The following ASGR2 variants were observed in gnomAD, a reference collection of about 807,000 sequenced individuals.
The protein encoded by ASGR2 is asialoglycoprotein receptor 2, also known as C-type lectin domain family 4 member H2.
In ASGR2, 34 loss-of-function variants were observed where a neutral mutation model predicts 32.3. That is an observed-to-expected ratio of 1.05 (90% CI 0.80 to 1.40). The LOEUF (loss-of-function observed/expected upper bound fraction) is 1.40, where lower values mean the gene tolerates loss of function less well. Ranked by LOEUF, ASGR2 falls within the 40% of genes most tolerant of loss-of-function variation. The pLI, the probability that ASGR2 is intolerant of heterozygous loss-of-function variation, is 0.00. For synonymous variants in ASGR2, 143 were observed against 150.0 expected, an observed-to-expected ratio of 0.95 and a Z score of 0.34; for missense variants, 385 against 386.4, an observed-to-expected ratio of 1.00 and a Z score of 0.03.
chr17:7,104,939 G>A (rs314233), intron 7 of ASGR2, among the ~76,000 whole-genome samples: 41,495 of 149,694 alleles, frequency 0.28, 6,721 homozygotes, highest in Admixed American at 0.43. Context: ...TCGCGCCATT[G>A]CACTCCAGCC....
Position 7,107,735 on chromosome 17 carries a change from A to G in ASGR2, c.409+101T>C, listed in dbSNP as rs1567763987. The G allele has an allele frequency of 3.8e-6, 3 of 786,330 alleles. No homozygotes were observed. The South Asian group carries it at 7.2e-5, about 19-fold the overall frequency. The allele number at this position is 786,330 out of a possible 1,614,324, so 48.7% of individuals were successfully genotyped here. ...TGCTTGCAGGCACACACACGCACGC[A>G]CGCACACGTGCACACTACACACACC... On this transcript the variant is annotated intron_variant, in intron 5 of 8. Transcript: ENST00000691900. This position sits in a 1 kb window ranked among gnomAD's most constrained non-coding sequence, Gnocchi z 5.0.
rs1182977839 is a variant in ASGR2 at position 7,113,669 on chromosome 17, A to G, written c.124+448T>C. On this transcript the variant is annotated intron_variant, in intron 2 of 8. Transcript: ENST00000691900. The surrounding 1 kb of genome is among the most constrained non-coding windows in gnomAD (Gnocchi z 5.1). ...CAACATACACTCACACACAAGATAC[A>G]CACAACATATACTCACACAACATAC... Among the ~76,000 whole-genome samples the G allele has an allele frequency of 6.6e-6, 1 of 151,838 alleles. No individual in the cohort carries two copies. The highest frequency in any genetic ancestry group is 1.5e-5 in the Non-Finnish European group (1 of 67,964).
chr17:7,108,589 C>T lies in ASGR2; in HGVS notation c.242-32G>A, dbSNP rs557819193. ...AGGTGGTAGTGGGGGCAGGATGAGG[C>T]AGAGGGGCCGTGTCCCCATCACTGT... On this transcript the variant is annotated intron_variant, in intron 3 of 8. Transcript: ENST00000691900. This position sits in a 1 kb window ranked among gnomAD's most constrained non-coding sequence, Gnocchi z 4.9. 6.2e-7 allele frequency: 1 copy of T among 1,604,760 alleles called. No individual in the cohort carries two copies. Among genetic ancestry groups the T allele is most frequent in the Admixed American group, 1.7e-5 (1 of 58,730 alleles).
rs1300163254 is a variant in ASGR2 at position 7,113,487 on chromosome 17, C to T, written c.124+630G>A. ...CATACACTCACACAATACACACACACAACACACACACAACATACACAACGT... is the reference window on the plus strand; with the variant it reads ...CATACACTCACACAATACACACACATAACACACACACAACATACACAACGT... On this transcript the variant is annotated intron_variant, in intron 2 of 8. Coordinates refer to ENST00000691900, the MANE Select transcript of ASGR2 (RefSeq NM_001201352.2). This position sits in a 1 kb window ranked among gnomAD's most constrained non-coding sequence, Gnocchi z 5.1. 6.8e-6 allele frequency among the ~76,000 whole-genome samples: 1 copy of T among 146,244 alleles called. No homozygotes were observed. The highest frequency in any genetic ancestry group is 6.8e-5 in the Admixed American group (1 of 14,706).
Position 7,113,375 on chromosome 17 carries a change from ACT to A in ASGR2, c.124+740_124+741del. ...CTCACACACACAACATACATAACACACTCACAACATACACACACAACACACAC... is the reference window on the plus strand; with the variant it reads ...CTCACACACACAACATACATAACACACACAACATACACACACAACACACAC... On this transcript the variant is annotated intron_variant, in intron 2 of 8. Coordinates refer to ENST00000691900, the MANE Select transcript of ASGR2 (RefSeq NM_001201352.2). The surrounding 1 kb of genome is among the most constrained non-coding windows in gnomAD (Gnocchi z 5.1). Among the ~76,000 whole-genome samples, 1 of 147,634 alleles carries A rather than the reference ACT, an allele frequency of 6.8e-6. No homozygotes were observed. The highest frequency in any genetic ancestry group is 1.5e-5 in the Non-Finnish European group (1 of 65,824).
chr17:7,112,934 C>T (rs1914904169), intron 2 of ASGR2, among the ~76,000 whole-genome samples: 1 of 152,148 alleles, frequency 6.6e-6, no homozygotes, highest in Non-Finnish European at 1.5e-5. Flanking sequence ...GCTCAGATCT[C>T]TCTCACCTTA....
rs533201730 is a variant in ASGR2 at position 7,108,042 on chromosome 17, C to T, written c.338-135G>A. 31 of 886,126 alleles carry T rather than the reference C, an allele frequency of 3.5e-5. No individual in the cohort carries two copies. Among genetic ancestry groups the T allele is most frequent in the Non-Finnish European group, 4.9e-5 (28 of 576,090 alleles). The allele number at this position is 886,126 out of a possible 1,614,324, so 54.9% of individuals were successfully genotyped here. A position where few individuals can be genotyped will look rare whatever the true frequency, so the allele number is the denominator to read the frequency against. ...GGCTTCCTGGACCACACCCAGGCTC[C>T]CTGCACTGCCACAGTGGCTCAGGCC... On this transcript the variant is annotated intron_variant, in intron 4 of 8. Transcript: ENST00000691900. This position sits in a 1 kb window ranked among gnomAD's most constrained non-coding sequence, Gnocchi z 4.9.
In ASGR2 at chr17:7,113,276, C is replaced by T. The variant is rs1914948681; in HGVS notation, c.124+841G>A. 7.1e-6 allele frequency among the ~76,000 whole-genome samples: 1 copy of T among 140,144 alleles called. No homozygotes were observed. Among genetic ancestry groups the T allele is most frequent in the South Asian group, 2.3e-4 (1 of 4,332 alleles). 91.9% of individuals were successfully genotyped at this position (140,144 alleles called of 152,430 possible). ...CACGTCCCCCACCCATCCCAACTCA[C>T]CCCACCTCTACACACACACACACAC... is the stretch of plus-strand genomic sequence containing the variant. On this transcript the variant is annotated intron_variant, in intron 2 of 8. Transcript: ENST00000691900. This position sits in a 1 kb window ranked among gnomAD's most constrained non-coding sequence, Gnocchi z 5.1.
Position 7,108,557 on chromosome 17 carries a change from C to T in ASGR2, c.242G>A (p.Ser81Asn). Residue 81 changes from serine to asparagine, a missense_variant and splice_region_variant, in exon 4 of 9, where the codon AGT becomes AAT. Coordinates refer to ENST00000691900, the MANE Select transcript of ASGR2 (RefSeq NM_001201352.2). This position sits in a 1 kb window ranked among gnomAD's most constrained non-coding sequence, Gnocchi z 4.9. Reference sequence around the variant, plus strand: ...CCGCAGCTCGGCTTGCAGCTGTGCACCTTGTCAGGTGGTAGTGGGGGCAGG... The same window carrying T: ...CCGCAGCTCGGCTTGCAGCTGTGCATCTTGTCAGGTGGTAGTGGGGGCAGG... ...LVVICVTGSQSAQLQAELRSL... is the reference protein window; with the variant it reads ...LVVICVTGSQNAQLQAELRSL... The T allele has an allele frequency of 1.2e-6, 2 of 1,607,518 alleles. No homozygotes were observed. The highest frequency in any genetic ancestry group is 1.7e-6 in the Non-Finnish European group (2 of 1,177,424).
In ASGR2 at chr17:7,107,973, G is replaced by A. The variant is rs894056195; in HGVS notation, c.338-66C>T. 2.4e-5 allele frequency: 38 copies of A among 1,573,476 alleles called. No individual in the cohort carries two copies. In the Admixed American group the frequency reaches 4.8e-4, roughly 20 times the overall value. ...TCCGTCCTCATGCTGCTGGGGGACCGGGGGCCAGCGCCTCGTCCTGGGCGA... is the reference window on the plus strand; with the variant it reads ...TCCGTCCTCATGCTGCTGGGGGACCAGGGGCCAGCGCCTCGTCCTGGGCGA... On this transcript the variant is annotated intron_variant, in intron 4 of 8. Coordinates refer to ENST00000691900, the MANE Select transcript of ASGR2 (RefSeq NM_001201352.2). This position sits in a 1 kb window ranked among gnomAD's most constrained non-coding sequence, Gnocchi z 5.0.
At chr17:7,106,349 C>T (rs959046980) in intron 7 of ASGR2, among the ~76,000 whole-genome samples, 1 of 152,162 alleles carries the variant, frequency 6.6e-6, no homozygotes, top group African/African-American at 2.4e-5. Flanking sequence ...ACGAAAGCAC[C>T]GTCCACCACG....
In ASGR2 at chr17:7,114,112, C is replaced by T. The variant is rs1193058750; in HGVS notation, c.124+5G>A. The T allele has an allele frequency of 7.4e-6, 12 of 1,614,092 alleles. No individual in the cohort carries two copies. The highest frequency in any genetic ancestry group is 9.3e-6 in the Non-Finnish European group (11 of 1,180,038). ...GGAGCAAAGCCGCAGAAACTGCACA[C>T]TTGCCTTTCAAAAATGGATTTCCTC... On this transcript the variant is annotated splice_donor_5th_base_variant and intron_variant, in intron 2 of 8. Transcript: ENST00000691900. The surrounding 1 kb of genome is among the most constrained non-coding windows in gnomAD (Gnocchi z 4.5).
rs1033889818 is a variant in ASGR2, at chr17:7,101,355, C to T, written c.*220G>A. ...AGCATTTGTTTCTTCTTTCCTACGC[C>T]ATTGAAGAGGCTGACGATTATAATA... On this transcript the variant is annotated 3_prime_UTR_variant, in exon 9 of 9. Coordinates refer to ENST00000691900, the MANE Select transcript of ASGR2 (RefSeq NM_001201352.2). 6 of 551,176 alleles carry T rather than the reference C, an allele frequency of 1.1e-5. No individual in the cohort carries two copies. Among genetic ancestry groups the T allele is most frequent in the Non-Finnish European group, 1.9e-5 (6 of 320,538 alleles). 34.1% of individuals were successfully genotyped at this position (551,176 alleles called of 1,614,324 possible).
chr17:7,108,142 C>A lies in ASGR2; in HGVS notation c.338-235G>T, dbSNP rs1260372190. On this transcript the variant is annotated intron_variant, in intron 4 of 8. Transcript: ENST00000691900. This position sits in a 1 kb window ranked among gnomAD's most constrained non-coding sequence, Gnocchi z 4.9. Reference sequence around the variant, plus strand: ...GCCTCGCTCTGTCAGCACGGCTCACCTGCGTGGCCGGGCCCCTCCCCACCT... The same window carrying A: ...GCCTCGCTCTGTCAGCACGGCTCACATGCGTGGCCGGGCCCCTCCCCACCT... Among the ~76,000 whole-genome samples, 1 of 152,164 alleles carries A rather than the reference C, an allele frequency of 6.6e-6. No homozygotes were observed. The highest frequency in any genetic ancestry group is 1.5e-5 in the Non-Finnish European group (1 of 68,016).
chr17:7,114,582 C>G lies in ASGR2; in HGVS notation c.-71+33G>C. On this transcript the variant is annotated intron_variant, in intron 1 of 8. Transcript: ENST00000691900. The surrounding 1 kb of genome is among the most constrained non-coding windows in gnomAD (Gnocchi z 4.5). ...CCAAGGCCTCCTTGTTCCCAAGCAT[C>G]CTCGTCCCAGTTGCCTCCCCAGCCT... 1 of 1,092,880 alleles carries G rather than the reference C, an allele frequency of 9.2e-7. No individual in the cohort carries two copies. Among genetic ancestry groups the G allele is most frequent in the Non-Finnish European group, 1.1e-6 (1 of 896,032 alleles). The allele number at this position is 1,092,880 out of a possible 1,614,324, so 67.7% of individuals were successfully genotyped here.
At position 7,106,988 on chromosome 17, in the gene ASGR2, G is replaced by T. The variant is rs767640045; in HGVS notation, c.648+12C>A. The T allele has an allele frequency of 7.4e-6, 12 of 1,613,804 alleles. No homozygotes were observed. In the East Asian group the frequency reaches 1.8e-4, roughly 24 times the overall value. On this transcript the variant is annotated intron_variant, in intron 7 of 8. Transcript: ENST00000691900. ...AAGGGCTTCCTCCTGCCTGTGGGAA[G>T]CGTGGCCTCACCTGCTCCTCCCAGG...
In ASGR2 at chr17:7,108,784, T is replaced by G; in HGVS notation, c.229A>C (p.Thr77Pro). The change falls in exon 3 of 9, where the codon ACT becomes CCT. Residue 77 changes from threonine (T) to proline (P), a missense_variant. Thr to Pro is a conservative substitution (Grantham distance 38). Coordinates refer to ENST00000691900, the MANE Select transcript of ASGR2 (RefSeq NM_001201352.2). The surrounding 1 kb of genome is among the most constrained non-coding windows in gnomAD (Gnocchi z 4.9). ...NILLLVVICV[T>P]GSQSAQLQAE... ...CCGTGACCCTCACTTTGGGACCCAG[T>G]CACACAGATGACCACCAGCAGCAGG... 1 of 1,613,998 alleles carries G rather than the reference T, an allele frequency of 6.2e-7. No individual in the cohort carries two copies. Among genetic ancestry groups the G allele is most frequent in the Non-Finnish European group, 8.5e-7 (1 of 1,179,986 alleles).
Position 7,114,353 on chromosome 17 carries a change from T to C in ASGR2, c.-70-43A>G. The C allele has an allele frequency of 7.7e-7, 1 of 1,297,584 alleles. No individual in the cohort carries two copies. Among genetic ancestry groups the C allele is most frequent in the South Asian group, 1.4e-5 (1 of 73,902 alleles). The allele number at this position is 1,297,584 out of a possible 1,614,324, so 80.4% of individuals were successfully genotyped here. On this transcript the variant is annotated intron_variant, in intron 1 of 8. Transcript: ENST00000691900. The surrounding 1 kb of genome is among the most constrained non-coding windows in gnomAD (Gnocchi z 4.5). ...ATTCACGTGGAGGTTGATGGTGGGATGGAACGCAGGGTCGGAGGGGTTCGG... is the reference window on the plus strand; with the variant it reads ...ATTCACGTGGAGGTTGATGGTGGGACGGAACGCAGGGTCGGAGGGGTTCGG...
intron 2 of ASGR2, among the ~76,000 whole-genome samples, chr17:7,110,163 C>T (rs968870340): frequency 2.6e-5 from 4 of 152,006 alleles, no homozygotes; most frequent in Non-Finnish European, 5.9e-5. Context: ...CTGTCCATAA[C>T]TCTTCATCTT....
Sources: gnomAD v4.1 joint callset for allele counts (sites outside exome capture counted in the v4.1 genomes callset) on GRCh38, gnomAD v4.1.1 for gene constraint, Gnocchi (gnomAD v3.1) non-coding constraint, MANE v1.5 for transcripts, NCBI Gene and HGNC (gene_info 2026-07-23, HGNC 2026-07-21) for gene names.